The following CDH13 variants were observed in gnomAD, a reference collection of about 807,000 sequenced individuals.
CDH13 encodes the protein cadherin 13, also known as cadherin-13.
Under a neutral mutation model 63.8 loss-of-function variants are expected in CDH13, and 24 were observed. That is an observed-to-expected ratio of 0.38 (90% CI 0.27 to 0.53). The LOEUF (loss-of-function observed/expected upper bound fraction) is 0.53. Among genes scored for constraint, CDH13 ranks in the 20% least tolerant of loss-of-function variants. CDH13 has a pLI of 0.85. For missense variants in CDH13, 1,049 were observed against 903.1 expected, an observed-to-expected ratio of 1.16 and a Z score of -2.07; for synonymous variants, 503 against 355.3, an observed-to-expected ratio of 1.42 and a Z score of -4.67.
chr16:83,647,312 CAA>C lies in CDH13; in HGVS notation c.1102-23459_1102-23458del, dbSNP rs772041222. Reference sequence around the variant, plus strand: ...TGGGTGACAGAGTGAGACTCTGTCTCAAAAAAAAAAAAAAAAAAAATTACACT... The same window carrying C: ...TGGGTGACAGAGTGAGACTCTGTCTCAAAAAAAAAAAAAAAAAATTACACT... On this transcript the variant is annotated intron_variant, in intron 8 of 13. Transcript: ENST00000567109. 1.3e-3 allele frequency among the ~76,000 whole-genome samples: 109 copies of C among 86,354 alleles called. 1 individual carries two copies. The highest frequency in any genetic ancestry group is 1.5e-3 in the African/African-American group (36 of 24,342). 56.7% of individuals were successfully genotyped at this position (86,354 alleles called of 152,430 possible).
chr16:83,500,026 C>A (rs1390289365), intron 7 of CDH13, among the ~76,000 whole-genome samples: 2 of 152,080 alleles, frequency 1.3e-5, no homozygotes, highest in African/African-American at 4.8e-5. Context: ...TGGTCTTGAA[C>A]TCATGACTTC....
chr16:82,798,038 C>T (rs934491435), intron 1 of CDH13, among the ~76,000 whole-genome samples: 1 of 152,108 alleles, frequency 6.6e-6, no homozygotes, highest in Non-Finnish European at 1.5e-5. Context: ...ACTTTCTACC[C>T]CAGGTTGCTC....
chr16:83,693,917 G>A (rs372095416), intron 10 of CDH13, among the ~76,000 whole-genome samples: 3 of 152,328 alleles, frequency 2.0e-5, no homozygotes, highest in African/African-American at 4.8e-5. Flanking sequence ...TTAGGATCTG[G>A]TTGAATGTTT....
At chr16:83,063,580 A>G (rs1356354403) in intron 3 of CDH13, among the ~76,000 whole-genome samples, 3 of 152,204 alleles carry the variant, frequency 2.0e-5, no homozygotes, top group Admixed American at 6.5e-5. Flanking sequence ...AGTTAGCATG[A>G]CCAGACTTGC....
intron 3 of CDH13, among the ~76,000 whole-genome samples, chr16:83,035,343 C>G (rs1378325824): frequency 6.6e-6 from 1 of 152,116 alleles, no homozygotes; most frequent in Non-Finnish European, 1.5e-5. Context: ...GATGGATGAT[C>G]TCTGCATTTG....
intron 3 of CDH13, among the ~76,000 whole-genome samples, chr16:83,087,436 G>A (rs534490790): frequency 8.8e-4 from 134 of 152,098 alleles, no homozygotes; most frequent in Non-Finnish European, 1.6e-3. Flanking sequence ...TTGAGAGGCC[G>A]AGGCGGGCAG....
chr16:83,796,023 G>A lies in CDH13; in HGVS notation c.*993G>A, dbSNP rs1207541090. On this transcript the variant is annotated 3_prime_UTR_variant, in exon 14 of 14. Coordinates refer to ENST00000567109, the MANE Select transcript of CDH13 (RefSeq NM_001257.5). ...ACATACATTTATGCACATTCACGCTGTTTGTTTCATATATACAGGCATAAA... is the reference window on the plus strand; with the variant it reads ...ACATACATTTATGCACATTCACGCTATTTGTTTCATATATACAGGCATAAA... 6.6e-6 allele frequency: 1 copy of A among 152,604 alleles called. No individual in the cohort carries two copies. The highest frequency in any genetic ancestry group is 6.5e-5 in the Admixed American group (1 of 15,278). 9.5% of individuals were successfully genotyped at this position (152,604 alleles called of 1,614,324 possible).
intron 6 of CDH13, among the ~76,000 whole-genome samples, chr16:83,354,647 G>A (rs985407769): frequency 2.0e-5 from 3 of 152,204 alleles, no homozygotes; most frequent in Admixed American, 6.5e-5. Flanking sequence ...TGAAATAAAG[G>A]AGCCTACCAA....
chr16:82,881,921 G>C (rs1425867794), intron 2 of CDH13, among the ~76,000 whole-genome samples: 1 of 152,140 alleles, frequency 6.6e-6, no homozygotes, highest in Non-Finnish European at 1.5e-5. Context: ...CTGTGGCAGT[G>C]CTTACTCTGC....
chr16:83,520,554 C>G (rs900258390), intron 7 of CDH13, among the ~76,000 whole-genome samples: 2 of 152,168 alleles, frequency 1.3e-5, no homozygotes, highest in Non-Finnish European at 2.9e-5. Flanking sequence ...TCCTCTGTGT[C>G]TCGACGTCAT....
At chr16:82,722,748 G>T (rs957539123) in intron 1 of CDH13, among the ~76,000 whole-genome samples, 2 of 152,110 alleles carry the variant, frequency 1.3e-5, no homozygotes, top group African/African-American at 4.8e-5. Flanking sequence ...GGAAGTTCAG[G>T]AGTGAATAAT....
intron 6 of CDH13, among the ~76,000 whole-genome samples, chr16:83,345,488 C>T (rs2090820642): frequency 6.6e-6 from 1 of 152,290 alleles, no homozygotes; most frequent in Non-Finnish European, 1.5e-5. Context: ...TGTCTTCAGT[C>T]AGAGGACCAA....
chr16:83,521,880 G>A (rs77188706), intron 7 of CDH13, among the ~76,000 whole-genome samples: 5,378 of 152,242 alleles, frequency 0.035, 141 homozygotes, highest in Non-Finnish European at 0.053. Context: ...ATAATACAGG[G>A]CAAATCATCC....
intron 6 of CDH13, among the ~76,000 whole-genome samples, chr16:83,355,113 G>A (rs2091027654): frequency 6.6e-6 from 1 of 152,150 alleles, no homozygotes; most frequent in African/African-American, 2.4e-5. Context: ...TTTTACTGCT[G>A]AAAAATGACT....
At chr16:82,731,762 A>G (rs1321919034) in intron 1 of CDH13, among the ~76,000 whole-genome samples, 1 of 152,326 alleles carries the variant, frequency 6.6e-6, no homozygotes, top group Non-Finnish European at 1.5e-5. Context: ...AATATAGAAA[A>G]TTGTGTGTTT....
intron 11 of CDH13, among the ~76,000 whole-genome samples, chr16:83,757,420 G>A (rs558418729): frequency 8.1e-4 from 123 of 151,714 alleles, no homozygotes; most frequent in African/African-American, 2.8e-3. Context: ...TCTACCAAAC[G>A]TACAAAGATT....
intron 3 of CDH13, among the ~76,000 whole-genome samples, chr16:83,052,651 G>A (rs113740590): frequency 0.015 from 2,229 of 151,726 alleles, 18 homozygotes; most frequent in African/African-American, 0.023. Flanking sequence ...ATGGTGGTGC[G>A]CGCCTTTAAT....
Position 83,447,095 on chromosome 16 carries a change from C to CGTTTTTTTTTTTTTT in CDH13, c.782-39382_782-39381insGTTTTTTTTTTTTTT, listed in dbSNP as rs2072720961. Among the ~76,000 whole-genome samples the CGTTTTTTTTTTTTTT allele has an allele frequency of 3.5e-5, 2 of 57,288 alleles. 1 individual carries two copies. Among genetic ancestry groups the CGTTTTTTTTTTTTTT allele is most frequent in the African/African-American group, 1.1e-4 (2 of 17,506 alleles). 37.6% of individuals were successfully genotyped at this position (57,288 alleles called of 152,430 possible). A position where few individuals can be genotyped will look rare whatever the true frequency, so the allele number is the denominator to read the frequency against. On this transcript the variant is annotated intron_variant, in intron 6 of 13. Transcript: ENST00000567109. ...AAAAACAAAAAACACCTTATAGTAA[C>CGTTTTTTTTTTTTTT]CTTTTTTTTTTTTTTTTTTTTTTTT...
At chr16:82,952,663 A>T (rs1905461972) in intron 2 of CDH13, among the ~76,000 whole-genome samples, 1 of 152,176 alleles carries the variant, frequency 6.6e-6, no homozygotes, top group Non-Finnish European at 1.5e-5. Context: ...TTCTCATACA[A>T]ACCCTGTGAA....
Sources: allele counts gnomAD v4.1 joint callset (sites outside exome capture counted in the v4.1 genomes callset), GRCh38; gene constraint gnomAD v4.1.1; transcripts MANE v1.5; gene names NCBI Gene and HGNC (gene_info 2026-07-23, HGNC 2026-07-21).